The following CFAP299 variants were observed in gnomAD, a reference collection of about 807,000 sequenced individuals.
The protein encoded by CFAP299 is cilia- and flagella-associated protein 299.
CFAP299 carries 21 observed loss-of-function variants against 27.0 expected under a neutral mutation model. That is an observed-to-expected ratio of 0.78 (90% CI 0.55 to 1.12). The LOEUF is 1.12. CFAP299 is among the 50% of genes most tolerant of loss of function. The pLI is 0.00. For missense variants in CFAP299, 310 were observed against 276.6 expected (o/e 1.12, Z -0.86); for synonymous variants, 104 against 98.1 (o/e 1.06, Z -0.36).
rs11736014 is a variant in CFAP299, at chr4:80,431,843, G to T, written c.242+68959G>T. On this transcript the variant is annotated intron_variant, in intron 2 of 5. Transcript: ENST00000358105. ...AATTATTCTGTTTTGGGAGTGGCTTGTTCTAATAGTGAGTGTTGGGGCTGC... is the reference window on the plus strand; with the variant it reads ...AATTATTCTGTTTTGGGAGTGGCTTTTTCTAATAGTGAGTGTTGGGGCTGC... Among the ~76,000 whole-genome samples, 14 of 152,108 alleles carry T rather than the reference G, an allele frequency of 9.2e-5. 1 individual carries two copies. The highest frequency in any genetic ancestry group is 3.4e-4 in the African/African-American group (14 of 41,494).
chr4:80,467,702 T>C lies in CFAP299; in HGVS notation c.242+104818T>C, dbSNP rs115469783. ...TGCTATGATACAGGTGTGGATGTGT[T>C]AGTTCATTTTCACACTGCTATAAAG... is the stretch of plus-strand genomic sequence containing the variant. On this transcript the variant is annotated intron_variant, in intron 2 of 5. Transcript: ENST00000358105. Among the ~76,000 whole-genome samples the C allele has an allele frequency of 8.7e-3, 1,326 of 152,320 alleles. 28 individuals are homozygous for C. Among genetic ancestry groups the C allele is most frequent in the African/African-American group, 0.03 (1,257 of 41,546 alleles).
intron 2 of CFAP299, chr4:80,386,066 C>T: frequency 2.3e-6 from 1 of 439,966 alleles, no homozygotes; most frequent in Admixed American, 3.7e-5. Flanking sequence ...AGGATTTCTG[C>T]CAATGGCTCG....
chr4:80,746,599 G>A (rs948093552), intron 3 of CFAP299, among the ~76,000 whole-genome samples: 7 of 152,024 alleles, frequency 4.6e-5, no homozygotes, highest in African/African-American at 1.4e-4. Context: ...TCAGGTTGAC[G>A]TAACTTTTTT....
intron 3 of CFAP299, among the ~76,000 whole-genome samples, chr4:80,634,778 A>G (rs1190197777): frequency 2.6e-5 from 4 of 152,108 alleles, no homozygotes; most frequent in Admixed American, 2.0e-4. Context: ...GCATTTAGGA[A>G]TTTTTAGTTC....
intron 3 of CFAP299, among the ~76,000 whole-genome samples, chr4:80,708,794 A>G (rs912595973): frequency 6.6e-6 from 1 of 152,134 alleles, no homozygotes; most frequent in Non-Finnish European, 1.5e-5. Flanking sequence ...AAACTGATGC[A>G]TTATAAAAAA....
intron 2 of CFAP299, among the ~76,000 whole-genome samples, chr4:80,364,670 G>C (rs1723729995): frequency 6.6e-6 from 1 of 152,162 alleles, no homozygotes; most frequent in African/African-American, 2.4e-5. Flanking sequence ...CATGTGCCAT[G>C]GTGGTTTGTT....
At chr4:80,859,178 C>T (rs1287454064) in intron 3 of CFAP299, among the ~76,000 whole-genome samples, 2 of 152,138 alleles carry the variant, frequency 1.3e-5, no homozygotes, top group South Asian at 2.1e-4. Flanking sequence ...TCTTCTTTGT[C>T]TCTTTTGATC....
At chr4:80,703,479 C>A (rs1264440968) in intron 3 of CFAP299, among the ~76,000 whole-genome samples, 1 of 151,580 alleles carries the variant, frequency 6.6e-6, no homozygotes, top group Non-Finnish European at 1.5e-5. Flanking sequence ...TAACAAGAGA[C>A]AAGATGGAGC....
chr4:80,790,139 G>A (rs1159040572), intron 3 of CFAP299, among the ~76,000 whole-genome samples: 2 of 151,924 alleles, frequency 1.3e-5, no homozygotes, highest in African/African-American at 2.4e-5. Context: ...CATTATTGAA[G>A]CATCCCCAAA....
intron 2 of CFAP299, among the ~76,000 whole-genome samples, chr4:80,443,078 C>T (rs923389081): frequency 5.9e-5 from 9 of 152,114 alleles, no homozygotes; most frequent in East Asian, 1.9e-4. Flanking sequence ...CAGGATCAGA[C>T]GGATTCACAG....
chr4:80,517,901 T>G (rs1400644203), intron 2 of CFAP299, among the ~76,000 whole-genome samples: 1 of 152,162 alleles, frequency 6.6e-6, no homozygotes, highest in African/African-American at 2.4e-5. Context: ...ACAGGTAGGC[T>G]CTTTGATAGG....
At chr4:80,482,634 A>AT (rs1234840411) in intron 2 of CFAP299, among the ~76,000 whole-genome samples, 1 of 152,148 alleles carries the variant, frequency 6.6e-6, no homozygotes, top group Non-Finnish European at 1.5e-5. Context: ...ATTAGCTGGT[A>AT]TTGGAGGACT....
chr4:80,758,465 T>C (rs575271583), intron 3 of CFAP299, among the ~76,000 whole-genome samples: 59 of 152,136 alleles, frequency 3.9e-4, no homozygotes, highest in African/African-American at 1.3e-3. Flanking sequence ...GGGAGGGCCA[T>C]AGGTAGTTTT....
intron 3 of CFAP299, among the ~76,000 whole-genome samples, chr4:80,866,372 A>G (rs1159855791): frequency 6.6e-6 from 1 of 152,066 alleles, no homozygotes; most frequent in Non-Finnish European, 1.5e-5. Flanking sequence ...CTCAGGGCAG[A>G]TGACCCTGAC....
chr4:80,678,934 A>G (rs1051159380), intron 3 of CFAP299, among the ~76,000 whole-genome samples: 2 of 152,084 alleles, frequency 1.3e-5, no homozygotes, highest in Non-Finnish European at 2.9e-5. Flanking sequence ...CTCAGTTTTC[A>G]CAAGTTGCTA....
At chr4:80,517,307 C>T (rs1055278223) in intron 2 of CFAP299, among the ~76,000 whole-genome samples, 1 of 152,092 alleles carries the variant, frequency 6.6e-6, no homozygotes. Context: ...AAGAACTGAG[C>T]ATGTTGAAAT....
intron 4 of CFAP299, among the ~76,000 whole-genome samples, chr4:80,929,274 G>T (rs1736459072): frequency 6.6e-6 from 1 of 151,012 alleles, no homozygotes; most frequent in South Asian, 2.1e-4. Context: ...TACTCATCCG[G>T]TCTCTGGCAC....
At position 80,790,054 on chromosome 4, in the gene CFAP299, A is replaced by G. The variant is rs188204600; in HGVS notation, c.334-79939A>G. On this transcript the variant is annotated intron_variant, in intron 3 of 5. Coordinates refer to ENST00000358105, the MANE Select transcript of CFAP299 (RefSeq NM_152770.3). ...TCACCATATTTTCACCCCCAAAATC[A>G]AAACAATTTTTGCCTTTCCATGATA... Among the ~76,000 whole-genome samples the G allele has an allele frequency of 1.3e-3, 193 of 152,204 alleles. 1 individual carries two copies. The highest frequency in any genetic ancestry group is 4.3e-3 in the African/African-American group (178 of 41,572).
chr4:80,963,414 A>C, intron 5 of CFAP299, 103 bp from the exon 6 acceptor site: 1 of 672,812 alleles, frequency 1.5e-6, no homozygotes, highest in South Asian at 1.9e-5. Context: ...CAAACTTGCT[A>C]GTTTTTTTTT....
Sources: allele counts gnomAD v4.1 joint callset (sites outside exome capture counted in the v4.1 genomes callset), GRCh38; gene constraint gnomAD v4.1.1; transcripts MANE v1.5; gene names NCBI Gene and HGNC (gene_info 2026-07-23, HGNC 2026-07-21).